Variants in PSKH1 observed in about 807,000 individuals in gnomAD.
PSKH1 encodes the protein protein serine kinase H1, also known as serine/threonine-protein kinase H1.
A neutral mutation model predicts 26.7 loss-of-function variants in PSKH1; 12 were observed. The observed-to-expected ratio is 0.45, with a 90% confidence interval of 0.29 to 0.73. The LOEUF (loss-of-function observed/expected upper bound fraction) is 0.73. Ranked by LOEUF, PSKH1 falls within the 30% of genes least tolerant of loss-of-function variation. The probability of loss-of-function intolerance (pLI) is 0.11; values close to 1 mark genes in which losing one functional copy is unlikely to be tolerated. For missense variants in PSKH1, 431 were observed against 595.2 expected, an observed-to-expected ratio of 0.72 and a Z score of 2.87; for synonymous variants, 213 against 234.3, an observed-to-expected ratio of 0.91 and a Z score of 0.83.
chr16:67,907,980 G>A (rs1249688936), intron 1 of PSKH1, among the ~76,000 whole-genome samples: 1 of 152,188 alleles, frequency 6.6e-6, no homozygotes, highest in African/African-American at 2.4e-5. Flanking sequence ...GAAAAGATGA[G>A]TCAAGAGTAA....
chr16:67,921,782 C>T (rs776569039), intron 2 of PSKH1, among the ~76,000 whole-genome samples: 17 of 152,092 alleles, frequency 1.1e-4, no homozygotes, highest in Non-Finnish European at 1.8e-4. Flanking sequence ...TATTGCAAAG[C>T]GAGCAAATAG....
chr16:67,911,133 C>T (rs189961438), intron 2 of PSKH1, among the ~76,000 whole-genome samples: 1 of 152,310 alleles, frequency 6.6e-6, no homozygotes, highest in Middle Eastern at 3.4e-3. Flanking sequence ...GAGTCTGTGT[C>T]GGCTTTATGT....
In PSKH1 at chr16:67,895,185, A is replaced by C. The variant is rs556632430; in HGVS notation, c.-71+1814A>C. 2.0e-5 allele frequency among the ~76,000 whole-genome samples: 3 copies of C among 151,072 alleles called. No individual in the cohort carries two copies. The South Asian group carries it at 6.3e-4, about 32-fold the overall frequency. ...TGATCCACCTGCCTCGGCCTCCCAAAGTGCTAGGGTTGCAGGCATAAGCCA... is the reference window on the plus strand; with the variant it reads ...TGATCCACCTGCCTCGGCCTCCCAACGTGCTAGGGTTGCAGGCATAAGCCA... On this transcript the variant is annotated intron_variant, in intron 1 of 2. Transcript: ENST00000291041.
At position 67,909,268 on chromosome 16, in the gene PSKH1, G is replaced by A; in HGVS notation, c.519G>A (p.Glu173=). The A allele has an allele frequency of 1.2e-6, 2 of 1,614,158 alleles. No individual in the cohort carries two copies. The highest frequency in any genetic ancestry group is 2.2e-5 in the South Asian group (2 of 91,080). ...AGGAGCGGGTGTACATGGTGATGGA[G>A]CTGGCCACTGGTGGAGAGCTCTTTG... ...ETQERVYMVM[E]LATGGELFDR... The change falls in exon 2 of 3, where the codon GAG becomes GAA. Residue 173 remains glutamate, a synonymous_variant. Coordinates refer to ENST00000291041, the MANE Select transcript of PSKH1 (RefSeq NM_006742.3). This position sits in a 1 kb window ranked among gnomAD's most constrained non-coding sequence, Gnocchi z 7.8.
At chr16:67,893,643 G>T (rs1447192134) in intron 1 of PSKH1, among the ~76,000 whole-genome samples, 2 of 152,244 alleles carry the variant, frequency 1.3e-5, no homozygotes, top group Admixed American at 6.5e-5. Flanking sequence ...GTGGTCGGTT[G>T]CCCTGCCTGC....
At chr16:67,905,804 A>G (rs2058154386) in intron 1 of PSKH1, among the ~76,000 whole-genome samples, 1 of 152,168 alleles carries the variant, frequency 6.6e-6, no homozygotes, top group African/African-American at 2.4e-5. Flanking sequence ...GGCTGCAGTT[A>G]GCTGAGGTCG....
chr16:67,921,564 G>A (rs1456982836), intron 2 of PSKH1, among the ~76,000 whole-genome samples: 2 of 151,994 alleles, frequency 1.3e-5, no homozygotes, highest in African/African-American at 4.8e-5. Context: ...CTGGGTGACA[G>A]AGTGAGACTC....
rs746605543 is a variant in PSKH1 at position 67,909,282 on chromosome 16, G to T, written c.533G>T (p.Gly178Val). 6.2e-7 allele frequency: 1 copy of T among 1,613,992 alleles called. No individual in the cohort carries two copies. ...VYMVMELATG[G>V]ELFDRIIAKG... ...ATGGTGATGGAGCTGGCCACTGGTG[G>T]AGAGCTCTTTGACCGCATCATTGCC... is the stretch of plus-strand genomic sequence containing the variant. The change falls in exon 2 of 3, where the codon GGA (glycine) becomes GTA (valine). Residue 178 changes from glycine (G) to valine (V), a missense_variant. Gly to Val is a moderately radical substitution (Grantham distance 109). Transcript: ENST00000291041. The surrounding 1 kb of genome is among the most constrained non-coding windows in gnomAD (Gnocchi z 7.8).
chr16:67,918,363 G>T (rs2058193253), intron 2 of PSKH1, among the ~76,000 whole-genome samples: 1 of 152,016 alleles, frequency 6.6e-6, no homozygotes, highest in Non-Finnish European at 1.5e-5. Flanking sequence ...ACTAGGAACA[G>T]GTGGGCTTGG....
At chr16:67,926,010 G>T (rs1194415338) in intron 2 of PSKH1, among the ~76,000 whole-genome samples, 1 of 152,098 alleles carries the variant, frequency 6.6e-6, no homozygotes, top group African/African-American at 2.4e-5. Flanking sequence ...GAACCCCCTG[G>T]AGGGCATGTT....
chr16:67,918,780 C>A (rs907223010), intron 2 of PSKH1, among the ~76,000 whole-genome samples: 1 of 151,870 alleles, frequency 6.6e-6, no homozygotes, highest in South Asian at 2.1e-4. Context: ...TTAGTAGAGA[C>A]GGGGTTTTAC....
chr16:67,898,141 C>T (rs190225678), intron 1 of PSKH1, among the ~76,000 whole-genome samples: 29 of 152,314 alleles, frequency 1.9e-4, no homozygotes, highest in African/African-American at 3.6e-4. Context: ...TAAGCCACCG[C>T]GCCCAGCCAC....
chr16:67,927,808 A>C lies in PSKH1; in HGVS notation c.*166A>C. On this transcript the variant is annotated 3_prime_UTR_variant, in exon 3 of 3. Coordinates refer to ENST00000291041, the MANE Select transcript of PSKH1 (RefSeq NM_006742.3). The surrounding 1 kb of genome is among the most constrained non-coding windows in gnomAD (Gnocchi z 5.5). Reference sequence around the variant, plus strand: ...GCCTTCAGCAGCCCCTGTCCTCACCATGGGCCTGGGCCAGGTGTGACAGAG... The same window carrying C: ...GCCTTCAGCAGCCCCTGTCCTCACCCTGGGCCTGGGCCAGGTGTGACAGAG... 2 of 834,546 alleles carry C rather than the reference A, an allele frequency of 2.4e-6. No homozygotes were observed. The highest frequency in any genetic ancestry group is 3.6e-6 in the Non-Finnish European group (2 of 550,426). 51.7% of individuals were successfully genotyped at this position (834,546 alleles called of 1,614,324 possible).
chr16:67,917,924 G>A (rs76944074), intron 2 of PSKH1, among the ~76,000 whole-genome samples: 6,221 of 152,248 alleles, frequency 0.041, 144 homozygotes, highest in Middle Eastern at 0.16. Flanking sequence ...CTGGAGTGGA[G>A]AGGGCATGCT....
intron 1 of PSKH1, among the ~76,000 whole-genome samples, chr16:67,900,823 T>A (rs1382361633): frequency 2.6e-5 from 4 of 152,136 alleles, no homozygotes; most frequent in African/African-American, 9.7e-5. Context: ...CAAGATGACA[T>A]ACTGTGACAC....
At chr16:67,919,109 C>T (rs2058195188) in intron 2 of PSKH1, among the ~76,000 whole-genome samples, 1 of 152,168 alleles carries the variant, frequency 6.6e-6, no homozygotes, top group Non-Finnish European at 1.5e-5. Context: ...ATCCCAGAGT[C>T]ATGGGGAGCG....
intron 2 of PSKH1, among the ~76,000 whole-genome samples, chr16:67,910,764 A>C (rs1401202085): frequency 1.3e-5 from 2 of 152,192 alleles, no homozygotes; most frequent in African/African-American, 4.8e-5. Context: ...TGGCCTCCCA[A>C]AGTGCTGGGA....
intron 2 of PSKH1, among the ~76,000 whole-genome samples, chr16:67,920,748 C>T (rs141033345): frequency 1.8e-4 from 27 of 152,366 alleles, no homozygotes; most frequent in Non-Finnish European, 3.5e-4. Context: ...CCTTCTCCAT[C>T]GTGCCTGACG....
At chr16:67,901,509 A>G (rs946295183) in intron 1 of PSKH1, among the ~76,000 whole-genome samples, 2 of 151,414 alleles carry the variant, frequency 1.3e-5, no homozygotes, top group Non-Finnish European at 2.9e-5. Flanking sequence ...TTTTTTTTGT[A>G]TTTTAGTAGA....
Sources: allele counts gnomAD v4.1 joint callset (sites outside exome capture counted in the v4.1 genomes callset), GRCh38; gene constraint gnomAD v4.1.1; non-coding constraint Gnocchi (gnomAD v3.1); transcripts MANE v1.5; gene names NCBI Gene and HGNC (gene_info 2026-07-23, HGNC 2026-07-21).